The following NAPA variants were observed in gnomAD, a reference collection of about 807,000 sequenced individuals.
NAPA encodes the protein alpha-soluble NSF attachment protein.
In NAPA, 18 loss-of-function variants were observed where a neutral mutation model predicts 48.0. The observed-to-expected ratio is 0.38, with a 90% CI of 0.26 to 0.56. The LOEUF is 0.56. Ranked by LOEUF, NAPA falls within the 20% of genes least tolerant of loss-of-function variation. The probability of loss-of-function intolerance (pLI) is 0.77; values close to 1 mark genes in which losing one functional copy is unlikely to be tolerated. For synonymous variants in NAPA, 152 were observed against 149.9 expected (o/e 1.01, Z -0.10); for missense variants, 315 against 385.0 (o/e 0.82, Z 1.52).
rs1420615098 is a variant in NAPA, at chr19:47,500,726, C to G, written c.202G>C (p.Ala68Pro). ...TGGAGCTGCAGGTGCAGCTGTGCAG[C>G]CTGGCAGAACGCGTTTCCAGCAGCT... Reference protein sequence around the residue: ...WSAAGNAFCQAAQLHLQLQSK... With the variant: ...WSAAGNAFCQPAQLHLQLQSK... The change falls in exon 3 of 11, where the codon GCT becomes CCT. Residue 68 changes from alanine to proline, a missense_variant. Transcript: ENST00000263354. 1 of 1,607,654 alleles carries G rather than the reference C, an allele frequency of 6.2e-7. No homozygotes were observed. Among genetic ancestry groups the G allele is most frequent in the African/African-American group, 1.3e-5 (1 of 74,602 alleles).
chr19:47,489,708 C>T lies in NAPA; in HGVS notation c.786+3G>A, dbSNP rs746354405. 22 of 1,614,068 alleles carry T rather than the reference C, an allele frequency of 1.4e-5. No individual in the cohort carries two copies. Among genetic ancestry groups the T allele is most frequent in the Non-Finnish European group, 1.9e-5 (22 of 1,179,988 alleles). On this transcript the variant is annotated splice_donor_region_variant and intron_variant, in intron 10 of 10. Coordinates refer to ENST00000263354, the MANE Select transcript of NAPA (RefSeq NM_003827.4). The stretch of plus-strand genomic sequence containing the variant: ...GGCCTGGCCCCCCATGCTGGCCACT[C>T]ACCGACTCGGTGTAGCTGTCCACAT...
At chr19:47,509,066 A>G (rs1382628177) in intron 1 of NAPA, among the ~76,000 whole-genome samples, 1 of 151,926 alleles carries the variant, frequency 6.6e-6, no homozygotes, top group Non-Finnish European at 1.5e-5. Context: ...ACAGAACAAG[A>G]CCCTGTCTCT....
At chr19:47,486,292 T>G (rs922003609), downstream of NAPA, among the ~76,000 whole-genome samples, 1 of 151,854 alleles carries the variant, frequency 6.6e-6, no homozygotes, top group Non-Finnish European at 1.5e-5. Context: ...GAGGCAGAGG[T>G]TGCAGTGAAC....
chr19:47,486,215 C>T (rs1237681492), downstream of NAPA, among the ~76,000 whole-genome samples: 4 of 152,038 alleles, frequency 2.6e-5, no homozygotes, highest in African/African-American at 7.2e-5. Context: ...ATTAGCTGGG[C>T]GTGGTGGCGC....
At chr19:47,504,596 A>T (rs1490738087) in intron 1 of NAPA, among the ~76,000 whole-genome samples, 1 of 151,800 alleles carries the variant, frequency 6.6e-6, no homozygotes, top group Non-Finnish European at 1.5e-5. Flanking sequence ...GTACTGTCTG[A>T]ATTTTTTTTT....
intron 8 of NAPA, chr19:47,491,125 G>C (rs1968254699): frequency 5.0e-6 from 2 of 399,744 alleles, no homozygotes; most frequent in Non-Finnish European, 9.2e-6. Flanking sequence ...CCTCCCACCT[G>C]GCTCAGCTGG....
chr19:47,487,257 G>C (rs1968098628), downstream of NAPA, among the ~76,000 whole-genome samples: 1 of 152,224 alleles, frequency 6.6e-6, no homozygotes, highest in Non-Finnish European at 1.5e-5. Context: ...GAGAAATGTG[G>C]ACATGGGAGA....
At chr19:47,511,390 C>G (rs969157666) in intron 1 of NAPA, among the ~76,000 whole-genome samples, 5 of 152,212 alleles carry the variant, frequency 3.3e-5, no homozygotes, top group Admixed American at 3.3e-4. Context: ...GCCCTCTGCC[C>G]TAACCTCACT....
chr19:47,511,637 G>C (rs1010313723), intron 1 of NAPA, among the ~76,000 whole-genome samples: 1 of 152,200 alleles, frequency 6.6e-6, no homozygotes, highest in Non-Finnish European at 1.5e-5. Flanking sequence ...AAGTGAGAAG[G>C]CTCTGGAATC....
chr19:47,513,690 C>G (rs1261086940), intron 1 of NAPA, among the ~76,000 whole-genome samples: 2 of 151,898 alleles, frequency 1.3e-5, no homozygotes, highest in Non-Finnish European at 1.5e-5. Flanking sequence ...GAGGATCACA[C>G]AGCAGGAATT....
intron 10 of NAPA, 97 bp from the exon 11 acceptor site, chr19:47,488,486 G>A: frequency 1.1e-6 from 1 of 887,832 alleles, no homozygotes; most frequent in South Asian, 1.6e-5. Context: ...ATCTGTCTCT[G>A]TCACCCCTGG....
Position 47,506,841 on chromosome 19 carries a change from G to A in NAPA, c.99-3339C>T, listed in dbSNP as rs1165508941. The A allele has an allele frequency of 6.6e-6, 1 of 152,226 alleles. No individual in the cohort carries two copies. Among genetic ancestry groups the A allele is most frequent in the Non-Finnish European group, 1.5e-5 (1 of 68,080 alleles). The allele number at this position is 152,226 out of a possible 1,614,324, so 9.4% of individuals were successfully genotyped here. On this transcript the variant is annotated intron_variant, in intron 1 of 10. Coordinates refer to ENST00000263354, the MANE Select transcript of NAPA (RefSeq NM_003827.4). The surrounding 1 kb of genome is among the most constrained non-coding windows in gnomAD (Gnocchi z 4.0). ...CGGTCTTGCCCATTACCATGGCCAG[G>A]GGATGACAGGAGATCTCCAGGGTCC...
At chr19:47,505,234 G>C (rs528569809) in intron 1 of NAPA, 1 of 152,290 alleles carries the variant, frequency 6.6e-6, no homozygotes, top group African/African-American at 2.4e-5. Flanking sequence ...CTAGTGTTTA[G>C]TTTATTTTTA....
chr19:47,489,777 A>AGAG lies in NAPA; in HGVS notation c.736-19_736-17dup. 6.2e-7 allele frequency: 1 copy of AGAG among 1,613,912 alleles called. No homozygotes were observed. The highest frequency in any genetic ancestry group is 8.5e-7 in the Non-Finnish European group (1 of 1,179,942). The stretch of plus-strand genomic sequence containing the variant: ...CTAGCAATTTCTGCAAGCAAATGGC[A>AGAG]GAGAGGGGTCAGGGGCCTATGCTGA... On this transcript the variant is annotated splice_polypyrimidine_tract_variant and intron_variant, in intron 9 of 10. Transcript: ENST00000263354.
rs1968343217 is a variant in NAPA at position 47,493,711 on chromosome 19, G to C, written c.343-218C>G. On this transcript the variant is annotated intron_variant, in intron 4 of 10. Transcript: ENST00000263354. This position sits in a 1 kb window ranked among gnomAD's most constrained non-coding sequence, Gnocchi z 6.4. The stretch of plus-strand genomic sequence containing the variant: ...TGGCTATGCGTGCTGGGCTGAGCGG[G>C]TGATGTTGGACAAGCCACTCCAGGG... The C allele has an allele frequency of 1.8e-6, 1 of 566,942 alleles. No homozygotes were observed. Among genetic ancestry groups the C allele is most frequent in the Non-Finnish European group, 3.2e-6 (1 of 313,920 alleles). The allele number at this position is 566,942 out of a possible 1,614,324, so 35.1% of individuals were successfully genotyped here.
chr19:47,498,355 C>T (rs527627272), intron 3 of NAPA, among the ~76,000 whole-genome samples: 1 of 152,322 alleles, frequency 6.6e-6, no homozygotes, highest in East Asian at 1.9e-4. Flanking sequence ...CCAGGGCAGG[C>T]AGGGGCCCCT....
chr19:47,503,044 C>T (rs140915840), intron 2 of NAPA, among the ~76,000 whole-genome samples: 125 of 152,320 alleles, frequency 8.2e-4, no homozygotes, highest in African/African-American at 2.4e-3. Context: ...CCATGATTCA[C>T]GTTGTTATTG....
chr19:47,495,761 G>A, intron 3 of NAPA, 165 bp from the exon 4 acceptor site: 1 of 656,840 alleles, frequency 1.5e-6, no homozygotes, highest in Non-Finnish European at 2.7e-6. Context: ...GGGAAGAAGG[G>A]GACGGAATCC....
rs1252889653 is a variant in NAPA, at chr19:47,492,955, C to T, written c.561+6G>A. Reference sequence around the variant, plus strand: ...GGTGGAAGCCGCCATCCCCACCTGTCCCCACCTGTTCGTAGATGTCAATGG... The same window carrying T: ...GGTGGAAGCCGCCATCCCCACCTGTTCCCACCTGTTCGTAGATGTCAATGG... On this transcript the variant is annotated splice_donor_region_variant and intron_variant, in intron 7 of 10. Coordinates refer to ENST00000263354, the MANE Select transcript of NAPA (RefSeq NM_003827.4). The T allele has an allele frequency of 1.2e-6, 2 of 1,614,042 alleles. No homozygotes were observed. The highest frequency in any genetic ancestry group is 1.1e-5 in the South Asian group (1 of 91,078).
Sources: allele counts gnomAD v4.1 joint callset (sites outside exome capture counted in the v4.1 genomes callset), GRCh38; gene constraint gnomAD v4.1.1; non-coding constraint Gnocchi (gnomAD v3.1); transcripts MANE v1.5; gene names NCBI Gene and HGNC (gene_info 2026-07-23, HGNC 2026-07-21).